The following C10orf71 variants were observed in gnomAD, a reference collection of about 807,000 sequenced individuals.
C10orf71 encodes the protein cardiac-enriched FHL2-interacting protein.
For missense variants in C10orf71, 1,869 were observed against 1,804.5 expected, an observed-to-expected ratio of 1.04 and a Z score of -0.65; for synonymous variants, 758 against 726.3, an observed-to-expected ratio of 1.04 and a Z score of -0.70.
At chr10:49,305,251 G>A (rs1358825248) in intron 1 of C10orf71, among the ~76,000 whole-genome samples, 1 of 152,146 alleles carries the variant, frequency 6.6e-6, no homozygotes, top group African/African-American at 2.4e-5. Flanking sequence ...AAGTCACAGT[G>A]TGGTGCTGAG....
chr10:49,297,232 T>A (rs534125305), upstream of C10orf71, among the ~76,000 whole-genome samples: 5 of 152,218 alleles, frequency 3.3e-5, no homozygotes, highest in Admixed American at 6.5e-5. Flanking sequence ...AGCTTTCAGC[T>A]CATGTTACTC....
intron 1 of C10orf71, among the ~76,000 whole-genome samples, chr10:49,311,334 A>G (rs1367667855): frequency 6.6e-6 from 1 of 152,230 alleles, no homozygotes; most frequent in African/African-American, 2.4e-5. Flanking sequence ...AGGGTCTGGG[A>G]TAGATCAGCG....
chr10:49,318,162 G>C (rs1849031115), intron 2 of C10orf71, among the ~76,000 whole-genome samples: 1 of 152,240 alleles, frequency 6.6e-6, no homozygotes. Context: ...AGGAAGAAGA[G>C]CACTGACACA....
chr10:49,326,317 C>A lies in C10orf71; in HGVS notation c.3772C>A (p.Pro1258Thr). 6.5e-7 allele frequency: 1 copy of A among 1,549,274 alleles called. No individual in the cohort carries two copies. The highest frequency in any genetic ancestry group is 1.2e-5 in the South Asian group (1 of 83,888). ...CTTCTCGGAGCCTGTCGGGAGGCGG[C>A]CCGGGGGCCCCCAGTCCCTCACACC... ...SGFSEPVGRR[P>T]GGPQSLTPLP... The change falls in exon 3 of 3, where the codon CCC becomes ACC. Residue 1258 changes from proline to threonine, a missense_variant. Pro to Thr is a conservative substitution (Grantham distance 38, BLOSUM62 -1). Coordinates refer to ENST00000374144, the MANE Select transcript of C10orf71 (RefSeq NM_001135196.2).
chr10:49,326,334 C>G lies in C10orf71; in HGVS notation c.3789C>G (p.Ser1263=). Residue 1263 remains serine (S), a synonymous_variant, in exon 3 of 3, where the codon TCC becomes TCG. Coordinates refer to ENST00000374144, the MANE Select transcript of C10orf71 (RefSeq NM_001135196.2). ...PVGRRPGGPQ[S]LTPLPAYPAT... ...GGAGGCGGCCCGGGGGCCCCCAGTC[C>G]CTCACACCCCTGCCCGCGTACCCCG... The G allele has an allele frequency of 1.3e-6, 2 of 1,549,990 alleles. No homozygotes were observed. The highest frequency in any genetic ancestry group is 1.7e-6 in the Non-Finnish European group (2 of 1,146,652).
chr10:49,312,246 C>A (rs775203162), intron 1 of C10orf71, among the ~76,000 whole-genome samples: 1 of 152,216 alleles, frequency 6.6e-6, no homozygotes, highest in African/African-American at 2.4e-5. Flanking sequence ...ACCCTTCGCT[C>A]TTCTCCAGGG....
chr10:49,319,242 G>C (rs994176427), intron 2 of C10orf71, among the ~76,000 whole-genome samples: 3 of 152,086 alleles, frequency 2.0e-5, no homozygotes, highest in African/African-American at 7.2e-5. Flanking sequence ...TGTGTGCCAG[G>C]GGAAGCCGTA....
At chr10:49,306,518 G>A (rs1015837197) in intron 1 of C10orf71, among the ~76,000 whole-genome samples, 3 of 152,326 alleles carry the variant, frequency 2.0e-5, no homozygotes, top group African/African-American at 7.2e-5. Context: ...AATGTGGAGG[G>A]GAAGAGCAAG....
chr10:49,323,617 G>A lies in C10orf71; in HGVS notation c.1072G>A (p.Val358Ile). Residue 358 changes from valine (V) to isoleucine (I), a missense_variant, in exon 3 of 3, where the codon GTA becomes ATA. Transcript: ENST00000374144. ...GGGGTGCAGGGATCCAGGAGCCCAGGTATTTGCTGTGGAAGGAAAAGCTCC... is the reference window on the plus strand; with the variant it reads ...GGGGTGCAGGGATCCAGGAGCCCAGATATTTGCTGTGGAAGGAAAAGCTCC... ...PWGCRDPGAQ[V>I]FAVEGKAPSS... The A allele has an allele frequency of 6.2e-7, 1 of 1,603,628 alleles. No homozygotes were observed. Among genetic ancestry groups the A allele is most frequent in the Non-Finnish European group, 8.5e-7 (1 of 1,176,352 alleles).
At chr10:49,309,472 C>A (rs887858862) in intron 1 of C10orf71, among the ~76,000 whole-genome samples, 1 of 152,228 alleles carries the variant, frequency 6.6e-6, no homozygotes, top group African/African-American at 2.4e-5. Context: ...TGATCTTGGA[C>A]TTTCCAGCCT....
chr10:49,317,454 A>T (rs1036486051), intron 2 of C10orf71, among the ~76,000 whole-genome samples: 6 of 152,240 alleles, frequency 3.9e-5, no homozygotes, highest in African/African-American at 1.4e-4. Flanking sequence ...TCATTACCTC[A>T]GAGTATGACC....
intron 1 of C10orf71, among the ~76,000 whole-genome samples, chr10:49,301,275 T>A (rs968625174): frequency 2.0e-5 from 3 of 152,246 alleles, no homozygotes; most frequent in African/African-American, 7.2e-5. Context: ...CCATCGAGGC[T>A]GGAGTGGATT....
rs202136443 is a variant in C10orf71 at position 49,322,585 on chromosome 10, G to A, written c.40G>A (p.Asp14Asn). 2.3e-5 allele frequency: 37 copies of A among 1,612,340 alleles called. No homozygotes were observed. The East Asian group carries it at 4.5e-4, about 19-fold the overall frequency. Residue 14 changes from aspartate to asparagine, a missense_variant, in exon 3 of 3, where the codon GAC (aspartate) becomes AAC (asparagine). Coordinates refer to ENST00000374144, the MANE Select transcript of C10orf71 (RefSeq NM_001135196.2). Reference sequence around the variant, plus strand: ...TAAGAAGTGCACAGACGCGTTCAGCGACTCCTCCAGCATCGGCAGCGTGTT... The same window carrying A: ...TAAGAAGTGCACAGACGCGTTCAGCAACTCCTCCAGCATCGGCAGCGTGTT... ...GNKKCTDAFS[D>N]SSSIGSVLDD...
chr10:49,324,519 G>T lies in C10orf71; in HGVS notation c.1974G>T (p.Gly658=). 6.2e-7 allele frequency: 1 copy of T among 1,612,722 alleles called. No individual in the cohort carries two copies. The highest frequency in any genetic ancestry group is 8.5e-7 in the Non-Finnish European group (1 of 1,179,302). ...RLCNRDPEPG[G]ATEKMKTHQL... The stretch of plus-strand genomic sequence containing the variant: ...GCAATAGGGATCCTGAGCCTGGAGG[G>T]GCTACAGAGAAAATGAAGACCCACC... The change falls in exon 3 of 3, where the codon GGG becomes GGT. Residue 658 remains glycine, a synonymous_variant. Transcript: ENST00000374144.
At position 49,324,939 on chromosome 10, in the gene C10orf71, A is replaced by G; in HGVS notation, c.2394A>G (p.Glu798=). The stretch of plus-strand genomic sequence containing the variant: ...GCCTGGAAAACCGCAGCCAGGGGGA[A>G]GCATTGCAAAGAGAAAGGGAAAGTG... The part of the protein sequence containing the change: ...HACLENRSQG[E]ALQRERESVS... Residue 798 remains glutamate (E), a synonymous_variant, in exon 3 of 3, where the codon GAA becomes GAG. Coordinates refer to ENST00000374144, the MANE Select transcript of C10orf71 (RefSeq NM_001135196.2). 6.4e-7 allele frequency: 1 copy of G among 1,550,902 alleles called. No individual in the cohort carries two copies.
At chr10:49,314,224 G>C (rs987307968) in intron 1 of C10orf71, among the ~76,000 whole-genome samples, 2 of 152,058 alleles carry the variant, frequency 1.3e-5, no homozygotes, top group Non-Finnish European at 2.9e-5. Flanking sequence ...GAGGTAGAGG[G>C]GAGATATGAA....
chr10:49,322,146 C>T (rs2132429327), intron 2 of C10orf71, among the ~76,000 whole-genome samples: 1 of 152,200 alleles, frequency 6.6e-6, no homozygotes, highest in East Asian at 1.9e-4. Context: ...GGGCCTTCAA[C>T]TAATTAAATG....
rs1162846754 is a variant in C10orf71, at chr10:49,325,278, G to A, written c.2733G>A (p.Gln911=). 6.4e-7 allele frequency: 1 copy of A among 1,551,646 alleles called. No individual in the cohort carries two copies. The highest frequency in any genetic ancestry group is 1.4e-5 in the African/African-American group (1 of 73,038). ...CTGGGTTTTGTGCCCCCGAAAACCA[G>A]GACATTCTTGGTACATCGACACCCA... ...EDPGFCAPEN[Q]DILGTSTPTN... The change falls in exon 3 of 3, where the codon CAG becomes CAA. Residue 911 remains glutamine, a synonymous_variant. Transcript: ENST00000374144.
At chr10:49,303,218 C>T (rs911674954) in intron 1 of C10orf71, among the ~76,000 whole-genome samples, 2 of 152,160 alleles carry the variant, frequency 1.3e-5, no homozygotes, top group Non-Finnish European at 2.9e-5. Flanking sequence ...ACCCCAACCC[C>T]ATGGTGACCA....
Sources: allele counts gnomAD v4.1 joint callset (sites outside exome capture counted in the v4.1 genomes callset), GRCh38; gene constraint gnomAD v4.1.1; transcripts MANE v1.5; gene names NCBI Gene and HGNC (gene_info 2026-07-23, HGNC 2026-07-21).